Variants in AR observed in about 807,000 individuals in gnomAD.
AR encodes the protein dihydrotestosterone receptor.
AR carries 8 observed loss-of-function variants against 53.9 expected under a neutral mutation model. The observed-to-expected ratio is 0.15, with a 90% CI of 0.09 to 0.27. AR has a LOEUF of 0.27. Among genes scored for constraint, AR ranks in the 10% least tolerant of loss-of-function variants. The pLI is 1.00. For missense variants in AR, 639 were observed against 742.5 expected (o/e 0.86, Z 1.62); for synonymous variants, 359 against 316.4 (o/e 1.13, Z -1.43).
rs867560951 is a variant in AR at position 67,544,179 on chromosome X, C to A, written c.-968C>A. ...GGGACGCACCACGCCAGCCCCAGCC[C>A]GGCTCCAGCGACAGCCAACGCCTCT... On this transcript the variant is annotated 5_prime_UTR_variant, in exon 1 of 8. Transcript: ENST00000374690. 2 of 146,528 alleles carry A rather than the reference C, an allele frequency of 1.4e-5. No individual in the cohort carries two copies. The highest frequency in any genetic ancestry group is 6.2e-5 in the African/African-American group (2 of 32,270). The allele number at this position is 146,528 out of a possible 1,213,427, so 12.1% of individuals were successfully genotyped here.
intron 3 of AR, among the ~76,000 whole-genome samples, chrX:67,705,665 A>G (rs1288781344): frequency 9.0e-6 from 1 of 111,654 alleles, no homozygotes; most frequent in African/African-American, 3.3e-5. Context: ...TGTCCTAGCC[A>G]GAACTTCCAA....
intron 3 of AR, among the ~76,000 whole-genome samples, chrX:67,707,796 A>G (rs1354004560): frequency 1.8e-5 from 2 of 111,266 alleles, no homozygotes; most frequent in Non-Finnish European, 3.8e-5. Context: ...GTTCCTTTCC[A>G]TGTTTAGTGC....
chrX:67,698,201 G>A (rs1372268636), intron 3 of AR, among the ~76,000 whole-genome samples: 1 of 111,765 alleles, frequency 8.9e-6, no homozygotes, highest in Non-Finnish European at 1.9e-5. Flanking sequence ...TGTCCCTGAG[G>A]CCCCACAGTG....
intron 3 of AR, among the ~76,000 whole-genome samples, chrX:67,704,351 G>C (rs764675610): frequency 8.9e-6 from 1 of 112,264 alleles, no homozygotes; most frequent in African/African-American, 3.2e-5. Flanking sequence ...ACTGGTGTGA[G>C]ATGGTATCTC....
intron 2 of AR, among the ~76,000 whole-genome samples, chrX:67,685,177 A>G (rs1011422968): frequency 4.5e-5 from 5 of 111,706 alleles, no homozygotes; most frequent in African/African-American, 9.8e-5. Context: ...CATCTGCTAT[A>G]TTTACATGTT....
chrX:67,577,042 C>T (rs1261385232), intron 1 of AR, among the ~76,000 whole-genome samples: 1 of 94,145 alleles, frequency 1.1e-5, no homozygotes, highest in African/African-American at 4.0e-5. Flanking sequence ...AGTTGTGCAA[C>T]AATTATCAAA....
intron 2 of AR, among the ~76,000 whole-genome samples, chrX:67,643,703 T>A (rs1276066410): frequency 1.8e-5 from 2 of 112,080 alleles, no homozygotes; most frequent in African/African-American, 6.5e-5. Context: ...TTTAATTTCC[T>A]CCCTTCTTGT....
At chrX:67,697,648 G>T (rs1422234441) in intron 3 of AR, among the ~76,000 whole-genome samples, 2 of 111,311 alleles carry the variant, frequency 1.8e-5, no homozygotes, top group Non-Finnish European at 3.8e-5. Context: ...GTCACATGGT[G>T]CAGAGTACCT....
intron 1 of AR, among the ~76,000 whole-genome samples, chrX:67,591,669 T>C (rs1289646010): frequency 9.0e-6 from 1 of 111,195 alleles, no homozygotes; most frequent in Non-Finnish European, 1.9e-5. Flanking sequence ...AATTATGTCT[T>C]AGAATCAATT....
Position 67,723,881 on chromosome X carries a change from C to G in AR, c.*40C>G, listed in dbSNP as rs2076147805. ...TATTTCCCCACCCCAGCTCATGCCCCCTTTCAGATGTCTTCTGCCTGTTAT... is the reference window on the plus strand; with the variant it reads ...TATTTCCCCACCCCAGCTCATGCCCGCTTTCAGATGTCTTCTGCCTGTTAT... On this transcript the variant is annotated 3_prime_UTR_variant, in exon 8 of 8. Coordinates refer to ENST00000374690, the MANE Select transcript of AR (RefSeq NM_000044.6). The G allele has an allele frequency of 2.5e-6, 3 of 1,197,808 alleles. No individual in the cohort carries two copies. Among genetic ancestry groups the G allele is most frequent in the African/African-American group, 1.8e-5 (1 of 56,662 alleles).
chrX:67,630,440 A>G (rs1687757147), intron 1 of AR, among the ~76,000 whole-genome samples: 1 of 110,980 alleles, frequency 9.0e-6, no homozygotes, highest in Non-Finnish European at 1.9e-5. Flanking sequence ...AGTCTGTTTT[A>G]TCAGAGACTA....
chrX:67,698,534 G>A (rs2147511069), intron 3 of AR, among the ~76,000 whole-genome samples: 2 of 112,617 alleles, frequency 1.8e-5, no homozygotes, highest in South Asian at 7.4e-4. Context: ...TTGAGTTTAT[G>A]ACTTTTAGAT....
intron 1 of AR, among the ~76,000 whole-genome samples, chrX:67,562,325 A>G (rs1353457465): frequency 9.3e-6 from 1 of 106,997 alleles, no homozygotes; most frequent in Non-Finnish European, 1.9e-5. Context: ...AACATGGACC[A>G]TATGAGTTTT....
chrX:67,669,842 G>A (rs1199196692), intron 2 of AR, among the ~76,000 whole-genome samples: 1 of 109,168 alleles, frequency 9.2e-6, no homozygotes, highest in Non-Finnish European at 1.9e-5. Context: ...AATCTATTTT[G>A]TCGGATATTA....
rs199970147 is a variant in AR at position 67,702,931 on chromosome X, A to G, written c.1886-8471A>G. Among the ~76,000 whole-genome samples the G allele has an allele frequency of 3.7e-4, 41 of 111,540 alleles. No homozygotes were observed. The East Asian group carries it at 5.4e-3, about 15-fold the overall frequency. On this transcript the variant is annotated intron_variant, in intron 3 of 7. Coordinates refer to ENST00000374690, the MANE Select transcript of AR (RefSeq NM_000044.6). The stretch of plus-strand genomic sequence containing the variant: ...AGATCCCATCTCTACAAAAAATGTT[A>G]ACCAGGAGTGGTAGTGTACAACTCT...
At chrX:67,705,485 AC>A (rs1253406164) in intron 3 of AR, among the ~76,000 whole-genome samples, 1 of 111,689 alleles carries the variant, frequency 9.0e-6, no homozygotes, top group Non-Finnish European at 1.9e-5. Flanking sequence ...TGATTTTTGC[AC>A]ATTGATTTTG....
intron 5 of AR, 120 bp downstream of exon 5, chrX:67,717,742 G>A (rs920939212): frequency 2.1e-5 from 21 of 1,017,115 alleles, no homozygotes; most frequent in Admixed American, 1.0e-4. Context: ...TTGTCGCAGC[G>A]GATGCCCCAG....
intron 3 of AR, among the ~76,000 whole-genome samples, chrX:67,703,486 A>T (rs191030801): frequency 9.0e-6 from 1 of 111,385 alleles, no homozygotes; most frequent in Non-Finnish European, 1.9e-5. Flanking sequence ...CATTCTTTCC[A>T]ATGACTGTCT....
chrX:67,603,942 G>A (rs772903755), intron 1 of AR, among the ~76,000 whole-genome samples: 43 of 111,072 alleles, frequency 3.9e-4, no homozygotes, highest in Non-Finnish European at 6.0e-4. Flanking sequence ...CATGGTGCAA[G>A]GAGGTAAAGC....
Sources: allele counts gnomAD v4.1 joint callset (sites outside exome capture counted in the v4.1 genomes callset), GRCh38; gene constraint gnomAD v4.1.1; transcripts MANE v1.5; gene names NCBI Gene and HGNC (gene_info 2026-07-23, HGNC 2026-07-21).